Variants in SCFD2 observed in about 807,000 individuals in gnomAD.
The protein encoded by SCFD2 is sec1 family domain containing 2.
SCFD2 carries 54 observed loss-of-function variants against 58.9 expected under a neutral mutation model. The ratio of observed to expected loss-of-function variants is 0.92; its 90% confidence interval spans 0.74 to 1.15. The LOEUF is 1.15. Among genes scored for constraint, SCFD2 ranks in the 50% most tolerant of loss-of-function variants. SCFD2 has a pLI of 0.00. For missense variants in SCFD2, 805 were observed against 836.6 expected, an observed-to-expected ratio of 0.96 and a Z score of 0.47; for synonymous variants, 321 against 335.9, an observed-to-expected ratio of 0.96 and a Z score of 0.49.
chr4:53,243,338 GA>G (rs1333763141), intron 4 of SCFD2, among the ~76,000 whole-genome samples: 1 of 152,106 alleles, frequency 6.6e-6, no homozygotes, highest in Non-Finnish European at 1.5e-5. Flanking sequence ...CATTCTTAAA[GA>G]AAAGAAATTC....
chr4:53,178,971 AC>A (rs1285950177), intron 4 of SCFD2, among the ~76,000 whole-genome samples: 2 of 152,218 alleles, frequency 1.3e-5, no homozygotes, highest in African/African-American at 2.4e-5. Flanking sequence ...AAAGAAAGGA[AC>A]AAAGCCTCTA....
At chr4:53,099,692 T>A (rs574523027) in intron 5 of SCFD2, among the ~76,000 whole-genome samples, 6 of 152,216 alleles carry the variant, frequency 3.9e-5, no homozygotes, top group Admixed American at 6.5e-5. Flanking sequence ...AAGGAACTAT[T>A]AGAGCAAGTA....
chr4:52,926,742 A>G (rs1387763622), intron 5 of SCFD2, among the ~76,000 whole-genome samples: 1 of 152,104 alleles, frequency 6.6e-6, no homozygotes, highest in Non-Finnish European at 1.5e-5. Flanking sequence ...GCAAGCCCCA[A>G]CGCAGCAGGG....
chr4:52,925,852 G>T (rs1043269780), intron 5 of SCFD2, among the ~76,000 whole-genome samples: 1 of 152,056 alleles, frequency 6.6e-6, no homozygotes, highest in Non-Finnish European at 1.5e-5. Context: ...CCATAACCGG[G>T]GGATGACTCA....
At chr4:53,283,568 T>C (rs1385253484) in intron 3 of SCFD2, among the ~76,000 whole-genome samples, 1 of 152,020 alleles carries the variant, frequency 6.6e-6, no homozygotes, top group Non-Finnish European at 1.5e-5. Flanking sequence ...TTTACATTTG[T>C]TTTTTGTTTT....
chr4:52,979,074 G>GGT (rs1560500280), intron 5 of SCFD2, among the ~76,000 whole-genome samples: 5 of 149,382 alleles, frequency 3.3e-5, no homozygotes, highest in Non-Finnish European at 7.5e-5. Context: ...TTGGGGGGGG[G>GGT]AGTAGTTAAG....
At chr4:53,154,501 C>T (rs1436314431) in intron 4 of SCFD2, among the ~76,000 whole-genome samples, 3 of 152,206 alleles carry the variant, frequency 2.0e-5, no homozygotes, top group Non-Finnish European at 4.4e-5. Context: ...AAACATCTCC[C>T]ACCAGGCCCC....
At chr4:52,891,389 G>A (rs960600240) in intron 7 of SCFD2, among the ~76,000 whole-genome samples, 1 of 152,152 alleles carries the variant, frequency 6.6e-6, no homozygotes, top group Non-Finnish European at 1.5e-5. Flanking sequence ...TGCTATGGAG[G>A]AAAATCAGGT....
rs1197383109 is a variant in SCFD2 at position 52,920,707 on chromosome 4, TAA to T, written c.1707+16_1707+17del. 2 of 1,546,366 alleles carry T rather than the reference TAA, an allele frequency of 1.3e-6. No homozygotes were observed. Among genetic ancestry groups the T allele is most frequent in the Non-Finnish European group, 1.7e-6 (2 of 1,142,874 alleles). On this transcript the variant is annotated intron_variant, in intron 6 of 8. Transcript: ENST00000401642. ...AGTACAACAGATTAGAAGGTTACTT[TAA>T]AACGTATATACTTGCCTGGTGGGTA...
intron 5 of SCFD2, among the ~76,000 whole-genome samples, chr4:53,127,401 T>C (rs1004159691): frequency 1.3e-5 from 2 of 152,212 alleles, no homozygotes; most frequent in African/African-American, 4.8e-5. Context: ...AAGAGTCTTC[T>C]ATGTGCGCAC....
At chr4:53,098,035 T>C (rs1724711374) in intron 5 of SCFD2, among the ~76,000 whole-genome samples, 1 of 152,240 alleles carries the variant, frequency 6.6e-6, no homozygotes, top group African/African-American at 2.4e-5. Context: ...TTTGCCTATG[T>C]TGAACCAGCC....
At chr4:53,315,944 C>T (rs1732849461) in intron 2 of SCFD2, among the ~76,000 whole-genome samples, 1 of 152,076 alleles carries the variant, frequency 6.6e-6, no homozygotes, top group African/African-American at 2.4e-5. Context: ...GTTCGAACTC[C>T]AACCATGCTC....
chr4:53,109,344 A>G (rs899563131), intron 5 of SCFD2, among the ~76,000 whole-genome samples: 1 of 152,180 alleles, frequency 6.6e-6, no homozygotes, highest in South Asian at 2.1e-4. Flanking sequence ...CCTATTCAAC[A>G]TAATATTGGA....
At chr4:53,101,859 C>G (rs532803502) in intron 5 of SCFD2, among the ~76,000 whole-genome samples, 1 of 151,644 alleles carries the variant, frequency 6.6e-6, no homozygotes, top group African/African-American at 2.4e-5. Context: ...TAAAAAAAAA[C>G]CAATAAGCTT....
chr4:53,176,646 G>A (rs767691982), intron 4 of SCFD2, among the ~76,000 whole-genome samples: 5 of 152,182 alleles, frequency 3.3e-5, no homozygotes, highest in African/African-American at 1.2e-4. Context: ...ACAGTTGGGT[G>A]GGTCAGACAG....
chr4:53,070,702 A>C (rs1329190519), intron 5 of SCFD2, among the ~76,000 whole-genome samples: 1 of 152,116 alleles, frequency 6.6e-6, no homozygotes, highest in Non-Finnish European at 1.5e-5. Context: ...TTCACAGCAC[A>C]GGTAGAAGAT....
chr4:52,911,448 C>CT (rs1719483595), intron 6 of SCFD2, among the ~76,000 whole-genome samples: 1 of 152,308 alleles, frequency 6.6e-6, no homozygotes, highest in Non-Finnish European at 1.5e-5. Context: ...TTCTCAACCT[C>CT]TTCATTCTTG....
intron 4 of SCFD2, among the ~76,000 whole-genome samples, chr4:53,220,624 C>A (rs2148994598): frequency 6.6e-6 from 1 of 152,274 alleles, no homozygotes; most frequent in East Asian, 1.9e-4. Flanking sequence ...AGACACACAG[C>A]ACACAAGAGT....
At chr4:53,100,175 A>C (rs1256049404) in intron 5 of SCFD2, among the ~76,000 whole-genome samples, 5 of 152,314 alleles carry the variant, frequency 3.3e-5, no homozygotes, top group African/African-American at 1.2e-4. Context: ...TTAAGAGCTC[A>C]GGAATTAAAT....
Sources: allele counts gnomAD v4.1 joint callset (sites outside exome capture counted in the v4.1 genomes callset), GRCh38; gene constraint gnomAD v4.1.1; transcripts MANE v1.5; gene names NCBI Gene and HGNC (gene_info 2026-07-23, HGNC 2026-07-21).